The following FUS variants were observed in gnomAD, a reference collection of about 807,000 sequenced individuals.
FUS encodes the protein RNA-binding protein FUS.
In FUS, 5 loss-of-function variants were observed where a neutral mutation model predicts 82.7. The observed-to-expected ratio is 0.06, with a 90% confidence interval of 0.03 to 0.13. The LOEUF (loss-of-function observed/expected upper bound fraction) is 0.13. FUS is among the 10% of genes least tolerant of loss of function. The pLI is 1.00. For synonymous variants in FUS, 281 were observed against 247.4 expected (o/e 1.14, Z -1.27); for missense variants, 512 against 707.8 (o/e 0.72, Z 3.14).
downstream of FUS, chr16:31,194,437 G>A (rs1433991675): frequency 2.0e-6 from 1 of 507,214 alleles, no homozygotes; most frequent in African/African-American, 1.9e-5. Context: ...GGGACTACAG[G>A]CACCTGCCAC....
intron 8 of FUS, chr16:31,188,595 C>T (rs968859508): frequency 1.0e-5 from 6 of 591,438 alleles, no homozygotes; most frequent in Admixed American, 9.2e-5. Context: ...GAAAATCTAC[C>T]TTTCTAACAA....
chr16:31,193,344 G>T, downstream of FUS: 1 of 524,692 alleles, frequency 1.9e-6, no homozygotes, highest in South Asian at 1.5e-5. Context: ...GCATTGCTTT[G>T]ACTTAGTACA....
chr16:31,193,650 T>G (rs575194236), downstream of FUS: 42 of 530,322 alleles, frequency 7.9e-5, no homozygotes, highest in African/African-American at 6.9e-4. Flanking sequence ...GGTGACTGTT[T>G]AGTGGGTAGG....
At chr16:31,182,014 T>A (rs968127411) in intron 1 of FUS, among the ~76,000 whole-genome samples, 2 of 152,182 alleles carry the variant, frequency 1.3e-5, no homozygotes, top group African/African-American at 2.4e-5. Flanking sequence ...TTTTTATTTT[T>A]TTTTTTGAGA....
chr16:31,194,169 G>A (rs1484252701), downstream of FUS: 1 of 530,804 alleles, frequency 1.9e-6, no homozygotes, highest in Non-Finnish European at 3.6e-6. Flanking sequence ...CTTGGATGTA[G>A]GGCTGCAGTT....
intron 3 of FUS, 91 bp from the exon 4 acceptor site, chr16:31,183,767 A>G (rs980108205): frequency 6.6e-7 from 1 of 1,504,436 alleles, no homozygotes. Flanking sequence ...GGCTGGCTTT[A>G]TGAGTATAGG....
downstream of FUS, chr16:31,191,965 A>G (rs1414123980): frequency 5.6e-6 from 3 of 533,134 alleles, no homozygotes; most frequent in Admixed American, 2.2e-5. Flanking sequence ...GGCTCAAACA[A>G]ACTACATTTA....
chr16:31,185,396 A>T (rs1354404149), intron 6 of FUS: 1 of 641,348 alleles, frequency 1.6e-6, no homozygotes, highest in Non-Finnish European at 2.8e-6. Context: ...CTGAATAGAG[A>T]TTTTGAGTAA....
chr16:31,181,029 C>T (rs547443876), intron 1 of FUS, among the ~76,000 whole-genome samples: 9 of 152,258 alleles, frequency 5.9e-5, no homozygotes, highest in Non-Finnish European at 7.4e-5. Flanking sequence ...TCTTCTGCCT[C>T]AGCCTCCTGA....
chr16:31,194,264 A>G (rs955081797), downstream of FUS: 2 of 529,022 alleles, frequency 3.8e-6, no homozygotes, highest in African/African-American at 1.9e-5. Context: ...ACCTTTAGGC[A>G]TGTCTTCCTT....
chr16:31,182,688 C>G (rs776940097), intron 3 of FUS, 24 bp downstream of exon 3: 2 of 1,613,938 alleles, frequency 1.2e-6, no homozygotes, highest in Admixed American at 1.7e-5. Flanking sequence ...AGCGGGTCAC[C>G]TCTTCCTACT....
Position 31,189,796 on chromosome 16 carries a change from T to TA in FUS, c.1066+3dup. 6.2e-7 allele frequency: 1 copy of TA among 1,614,056 alleles called. No homozygotes were observed. Among genetic ancestry groups the TA allele is most frequent in the Non-Finnish European group, 8.5e-7 (1 of 1,180,012 alleles). On this transcript the variant is annotated splice_region_variant and intron_variant, in intron 10 of 14. Transcript: ENST00000254108. ...AAGCAGCTATTGACTGGTTTGATGGTATGTATGAGAAGGCTGGCAGAGGTG... is the reference window on the plus strand; with the variant it reads ...AAGCAGCTATTGACTGGTTTGATGGTAATGTATGAGAAGGCTGGCAGAGGTG...
At chr16:31,194,838 CAAA>C (rs919966380), downstream of FUS, 1 of 476,946 alleles carries the variant, frequency 2.1e-6, no homozygotes, top group Non-Finnish European at 4.2e-6. Context: ...AAAATAAAAA[CAAA>C]AAATGATTGA....
chr16:31,189,941 A>C, intron 10 of FUS, 99 bp from the exon 11 acceptor site: 1 of 1,561,706 alleles, frequency 6.4e-7, no homozygotes, highest in East Asian at 2.3e-5. Context: ...CTTATGTGTC[A>C]GCAGATTATA....
At chr16:31,184,812 T>A in intron 5 of FUS, 127 bp from the exon 6 acceptor site, 1 of 970,124 alleles carries the variant, frequency 1.0e-6, no homozygotes, top group East Asian at 2.4e-5. Context: ...CTGTCTTGTT[T>A]CCTAGCTGTC....
downstream of FUS, chr16:31,193,668 T>TGGG: frequency 1.9e-6 from 1 of 532,040 alleles, no homozygotes; most frequent in South Asian, 1.5e-5. Context: ...AGGTCCAGTT[T>TGGG]GGGGGGATCT....
chr16:31,190,058 A>G lies in FUS; in HGVS notation c.1085A>G (p.Asn362Ser). ...TCTCTAGGTAAAGAATTCTCCGGAA[A>G]TCCTATCAAGGTCTCATTTGCTACT... ...DWFDGKEFSG[N>S]PIKVSFATRR... The change falls in exon 11 of 15, where the codon AAT becomes AGT. Residue 362 changes from asparagine to serine, a missense_variant. Physicochemically the swap from Asn to Ser is conservative, Grantham distance 46 (BLOSUM62 1). Coordinates refer to ENST00000254108, the MANE Select transcript of FUS (RefSeq NM_004960.4). 1 of 1,613,602 alleles carries G rather than the reference A, an allele frequency of 6.2e-7. No homozygotes were observed. Among genetic ancestry groups the G allele is most frequent in the African/African-American group, 1.3e-5 (1 of 75,028 alleles).
intron 7 of FUS, chr16:31,187,902 A>G: frequency 3.7e-6 from 1 of 268,326 alleles, no homozygotes. Context: ...CTGGTGGTAA[A>G]GTTGGGAGAA....
At chr16:31,188,079 C>G in intron 7 of FUS, 1 of 571,544 alleles carries the variant, frequency 1.7e-6, no homozygotes, top group Non-Finnish European at 3.1e-6. Flanking sequence ...GCAGCATTTG[C>G]TGAAGTGTGG....
Sources: allele counts gnomAD v4.1 joint callset (sites outside exome capture counted in the v4.1 genomes callset), GRCh38; gene constraint gnomAD v4.1.1; transcripts MANE v1.5; gene names NCBI Gene and HGNC (gene_info 2026-07-23, HGNC 2026-07-21).